SLC24A2: variants seen among roughly 807,000 people sequenced by gnomAD.
SLC24A2 encodes the protein solute carrier family 24 member 2.
In SLC24A2, 36 loss-of-function variants were observed where a neutral mutation model predicts 62.0. That is an observed-to-expected ratio of 0.58 (90% CI 0.44 to 0.77). The LOEUF (loss-of-function observed/expected upper bound fraction) is 0.77, where lower values mean the gene tolerates loss of function less well. SLC24A2 is among the 30% of genes least tolerant of loss of function. The pLI is 0.00. For synonymous variants in SLC24A2, 358 were observed against 294.0 expected, an observed-to-expected ratio of 1.22 and a Z score of -2.23; for missense variants, 846 against 817.9, an observed-to-expected ratio of 1.03 and a Z score of -0.42.
At chr9:19,663,162 G>C (rs1026944735) in intron 2 of SLC24A2, among the ~76,000 whole-genome samples, 3 of 152,198 alleles carry the variant, frequency 2.0e-5, no homozygotes, top group Non-Finnish European at 4.4e-5. Context: ...CACCCTGCAA[G>C]TGAGGGGCTG....
chr9:19,818,857 C>T, the SLC24A2 span, among the ~76,000 whole-genome samples: 1 of 152,072 alleles, frequency 6.6e-6, no homozygotes, highest in Non-Finnish European at 1.5e-5. Context: ...TTCTGAAATT[C>T]ATATGGGAAC....
chr9:19,647,159 T>C (rs1013330758), intron 2 of SLC24A2, among the ~76,000 whole-genome samples: 1 of 152,002 alleles, frequency 6.6e-6, no homozygotes, highest in Non-Finnish European at 1.5e-5. Flanking sequence ...TGATTATCAA[T>C]GTATTTTTAT....
chr9:19,550,939 C>T (rs1477555963), intron 7 of SLC24A2, among the ~76,000 whole-genome samples: 1 of 152,026 alleles, frequency 6.6e-6, no homozygotes, highest in African/African-American at 2.4e-5. Flanking sequence ...GTATTTGGGG[C>T]CTCCATCACC....
the SLC24A2 span, chr9:19,957,388 G>C: frequency 2.6e-5 from 4 of 152,218 alleles, no homozygotes. Flanking sequence ...GCAGGTTCAA[G>C]CACATTCAAG....
At chr9:20,059,181 G>A in the SLC24A2 span, among the ~76,000 whole-genome samples, 11,787 of 152,204 alleles carry the variant, frequency 0.077, 1,069 homozygotes, top group East Asian at 0.46. Flanking sequence ...AGATTATCCT[G>A]GATTATCCAG....
chr9:20,266,426 T>C, the SLC24A2 span, among the ~76,000 whole-genome samples: 3 of 152,224 alleles, frequency 2.0e-5, no homozygotes, highest in African/African-American at 4.8e-5. Flanking sequence ...GGGTGTTCCC[T>C]ATAGCTCAAG....
chr9:20,128,545 A>G, the SLC24A2 span, among the ~76,000 whole-genome samples: 1 of 152,146 alleles, frequency 6.6e-6, no homozygotes, highest in Non-Finnish European at 1.5e-5. Context: ...TCAGAACAAC[A>G]TTCAAAAGGG....
chr9:19,509,224 T>A lies in SLC24A2; in HGVS notation c.*6929A>T, dbSNP rs1400222933. The A allele has an allele frequency of 1.3e-5, 2 of 152,230 alleles. No individual in the cohort carries two copies. Among genetic ancestry groups the A allele is most frequent in the East Asian group, 3.8e-4 (2 of 5,202 alleles). 9.4% of individuals were successfully genotyped at this position (152,230 alleles called of 1,614,324 possible). A position where few individuals can be genotyped will look rare whatever the true frequency, so the allele number is the denominator to read the frequency against. On this transcript the variant is annotated 3_prime_UTR_variant, in exon 11 of 11. Transcript: ENST00000341998. ...ATTTTAAAATAATTTCCATGTAGTA[T>A]TAGAACTTGCTAAAGAAACTGTAAT...
At chr9:19,891,323 A>T in the SLC24A2 span, among the ~76,000 whole-genome samples, 11 of 152,216 alleles carry the variant, frequency 7.2e-5, no homozygotes, top group African/African-American at 2.7e-4. Context: ...TTGTAATGAG[A>T]ATTAAATCTA....
rs1440803410 is a variant in SLC24A2 at position 19,711,336 on chromosome 9, T to C, written c.930+74601A>G. On this transcript the variant is annotated intron_variant, in intron 2 of 10. Transcript: ENST00000341998. ...TTAGTCCCAGTTTTAATTTCAAATA[T>C]AGTAAATACAGAAAGATACAGTCCT... Among the ~76,000 whole-genome samples, 7 of 152,342 alleles carry C rather than the reference T, an allele frequency of 4.6e-5. No individual in the cohort carries two copies. In the East Asian group the frequency reaches 7.7e-4, roughly 17 times the overall value.
At chr9:19,691,746 T>G (rs186955814) in intron 2 of SLC24A2, among the ~76,000 whole-genome samples, 195 of 152,270 alleles carry the variant, frequency 1.3e-3, no homozygotes, top group African/African-American at 4.5e-3. Context: ...TCTTTTCAAA[T>G]GTCACAGTAC....
the SLC24A2 span, among the ~76,000 whole-genome samples, chr9:19,865,440 C>T: frequency 6.6e-6 from 1 of 152,142 alleles, no homozygotes; most frequent in Admixed American, 6.5e-5. Flanking sequence ...AATCCCAGTA[C>T]TTGACTTCAA....
intron 7 of SLC24A2, among the ~76,000 whole-genome samples, chr9:19,564,829 T>C (rs961727109): frequency 3.3e-5 from 5 of 152,198 alleles, no homozygotes; most frequent in African/African-American, 1.2e-4. Flanking sequence ...ATTGTGAGCG[T>C]ATTTAAATGG....
intron 7 of SLC24A2, among the ~76,000 whole-genome samples, chr9:19,567,268 C>A (rs189131713): frequency 6.6e-6 from 1 of 151,394 alleles, no homozygotes; most frequent in Admixed American, 6.6e-5. Flanking sequence ...GAATATGGGC[C>A]GGGCACGGTG....
chr9:19,519,171 A>G (rs911247456), intron 10 of SLC24A2, among the ~76,000 whole-genome samples: 1 of 152,228 alleles, frequency 6.6e-6, no homozygotes, highest in African/African-American at 2.4e-5. Context: ...TTATTCATAG[A>G]TGCCTCTCTA....
chr9:20,295,048 A>ATC, the SLC24A2 span, among the ~76,000 whole-genome samples: 1 of 146,450 alleles, frequency 6.8e-6, no homozygotes. Context: ...ATATATATAT[A>ATC]TATATACACA....
intron 2 of SLC24A2, among the ~76,000 whole-genome samples, chr9:19,679,980 T>G (rs1819673886): frequency 6.6e-6 from 1 of 152,026 alleles, no homozygotes; most frequent in Non-Finnish European, 1.5e-5. Flanking sequence ...GAAAGGAACC[T>G]TAACTGGTCA....
intron 1 of SLC24A2, among the ~76,000 whole-genome samples, chr9:19,787,554 A>G (rs1390863309): frequency 3.3e-5 from 5 of 152,276 alleles, no homozygotes; most frequent in Admixed American, 3.3e-4. Context: ...TCTTTAATTT[A>G]GTGATCTTTT....
intron 2 of SLC24A2, among the ~76,000 whole-genome samples, chr9:19,703,732 T>C (rs1207265378): frequency 3.3e-5 from 5 of 152,174 alleles, no homozygotes; most frequent in African/African-American, 1.2e-4. Flanking sequence ...ATCAAAGCTC[T>C]GTCTTGGTTC....
Sources: allele counts gnomAD v4.1 joint callset (sites outside exome capture counted in the v4.1 genomes callset), GRCh38; gene constraint gnomAD v4.1.1; transcripts MANE v1.5; gene names NCBI Gene and HGNC (gene_info 2026-07-23, HGNC 2026-07-21).